Variants in TCF7L2 observed in about 807,000 individuals in gnomAD.
TCF7L2 encodes the protein transcription factor 7 like 2, also known as transcription factor 7-like 2.
A neutral mutation model predicts 77.9 loss-of-function variants in TCF7L2; 23 were observed. That is an observed-to-expected ratio of 0.30 (90% CI 0.21 to 0.42). TCF7L2 has a LOEUF of 0.42. Ranked by LOEUF, TCF7L2 falls within the 10% of genes least tolerant of loss-of-function variation. TCF7L2 has a pLI of 1.00. For missense variants in TCF7L2, 654 were observed against 793.1 expected (o/e 0.82, Z 2.11); for synonymous variants, 413 against 340.2 (o/e 1.21, Z -2.36).
In TCF7L2 at chr10:112,961,266, C is replaced by CCCT. The variant is rs2035120787; in HGVS notation, c.382-3289_382-3288insCTC. Among the ~76,000 whole-genome samples, 5 of 125,846 alleles carry CCCT rather than the reference C, an allele frequency of 4.0e-5. 1 individual carries two copies. The highest frequency in any genetic ancestry group is 1.6e-4 in the African/African-American group (5 of 32,040). 82.6% of individuals were successfully genotyped at this position (125,846 alleles called of 152,430 possible). A position where few individuals can be genotyped will look rare whatever the true frequency, so the allele number is the denominator to read the frequency against. On this transcript the variant is annotated intron_variant, in intron 3 of 13. Coordinates refer to ENST00000627217, the MANE Select transcript of TCF7L2 (RefSeq NM_001146274.2). ...CCGACCTCAGGTGACCCCCCCCCCC[C>CCCT]CAACCTCGGCCTTCCAAAGCGCTGG...
At chr10:112,986,958 T>C (rs11819613) in intron 4 of TCF7L2, among the ~76,000 whole-genome samples, 4,969 of 152,320 alleles carry the variant, frequency 0.033, 238 homozygotes, top group African/African-American at 0.11. Flanking sequence ...AAGACATGCA[T>C]TGAATTCTTT....
intron 4 of TCF7L2, among the ~76,000 whole-genome samples, chr10:112,967,516 A>G (rs572665615): frequency 1.3e-5 from 2 of 152,288 alleles, no homozygotes; most frequent in South Asian, 2.1e-4. Flanking sequence ...CTATGTTTAG[A>G]TCTTTCCTAC....
At chr10:113,097,064 G>A (rs1384900751) in intron 5 of TCF7L2, among the ~76,000 whole-genome samples, 1 of 132,726 alleles carries the variant, frequency 7.5e-6, no homozygotes, top group Non-Finnish European at 1.7e-5. Context: ...AGAGTTGGGG[G>A]AGATGACAGT....
intron 13 of TCF7L2, among the ~76,000 whole-genome samples, chr10:113,164,033 T>C (rs1010782069): frequency 2.6e-5 from 4 of 152,238 alleles, no homozygotes; most frequent in African/African-American, 9.6e-5. Context: ...GGCCAGTGCT[T>C]ACACACGTGT....
rs138872780 is a variant in TCF7L2 at position 113,162,644 on chromosome 10, G to C, written c.1391+1953G>C. Among the ~76,000 whole-genome samples the C allele has an allele frequency of 2.8e-4, 43 of 152,344 alleles. 1 individual carries two copies. The East Asian group carries it at 7.5e-3, about 27-fold the overall frequency. ...GCTGAGCCCCTGGTCCTAGGTGCCA[G>C]AGTTCCCCAGGTCCCTGTCTCCACC... On this transcript the variant is annotated intron_variant, in intron 13 of 13. Coordinates refer to ENST00000627217, the MANE Select transcript of TCF7L2 (RefSeq NM_001146274.2).
intron 5 of TCF7L2, among the ~76,000 whole-genome samples, chr10:113,043,319 C>T (rs967149971): frequency 6.6e-6 from 1 of 152,114 alleles, no homozygotes; most frequent in Non-Finnish European, 1.5e-5. Context: ...ATGTGGGTTA[C>T]CACATTAGAA....
chr10:113,043,640 C>G (rs2052872307), intron 5 of TCF7L2, among the ~76,000 whole-genome samples: 1 of 152,084 alleles, frequency 6.6e-6, no homozygotes, highest in African/African-American at 2.4e-5. Flanking sequence ...GACTTCTTAA[C>G]AACTCAGAGA....
intron 5 of TCF7L2, among the ~76,000 whole-genome samples, chr10:113,043,050 C>T (rs1220477084): frequency 1.3e-5 from 2 of 152,190 alleles, no homozygotes; most frequent in Admixed American, 1.3e-4. Flanking sequence ...AAATAATTGT[C>T]TAAGGATTGC....
intron 5 of TCF7L2, among the ~76,000 whole-genome samples, chr10:113,081,306 C>T (rs1591448457): frequency 6.6e-6 from 1 of 152,226 alleles, no homozygotes; most frequent in Admixed American, 6.5e-5. Context: ...ACAACACGCA[C>T]CAATACTACT....
intron 5 of TCF7L2, among the ~76,000 whole-genome samples, chr10:113,066,662 T>C (rs752457765): frequency 5.9e-5 from 9 of 152,256 alleles, no homozygotes; most frequent in African/African-American, 9.6e-5. Flanking sequence ...TCAGCTGTGC[T>C]GAAAGAGTAA....
At chr10:113,089,875 C>T (rs1289586740) in intron 5 of TCF7L2, among the ~76,000 whole-genome samples, 1 of 152,156 alleles carries the variant, frequency 6.6e-6, no homozygotes, top group Non-Finnish European at 1.5e-5. Context: ...AACTTGGCCC[C>T]AGGAAGTGTC....
At chr10:113,107,218 T>C (rs896263351) in intron 5 of TCF7L2, among the ~76,000 whole-genome samples, 1 of 152,216 alleles carries the variant, frequency 6.6e-6, no homozygotes, top group African/African-American at 2.4e-5. Context: ...GGGAATGGAC[T>C]ATGTTTAGTA....
intron 5 of TCF7L2, among the ~76,000 whole-genome samples, chr10:113,098,114 TA>T (rs1312443880): frequency 6.8e-6 from 1 of 146,934 alleles, no homozygotes; most frequent in Non-Finnish European, 1.5e-5. Context: ...GAAGGGAAGG[TA>T]GGTCCTTTCC....
At chr10:113,158,878 G>T (rs2072520127) in intron 12 of TCF7L2, among the ~76,000 whole-genome samples, 161 bp downstream of exon 13, 4 of 143,836 alleles carry the variant, frequency 2.8e-5, no homozygotes, top group South Asian at 2.2e-4. Flanking sequence ...TTTTTTTTCA[G>T]TTGCTTCTGT....
rs2137155854 is a variant in TCF7L2, at chr10:113,151,888, G to A, written c.1161+4G>A. ...CAACCAGATCCTTGGGCGGAGGGTA[G>A]GTGACGCCCTTCTCAGGGAGAAGCG... On this transcript the variant is annotated splice_donor_region_variant and intron_variant, in intron 10 of 13. Transcript: ENST00000627217. The surrounding 1 kb of genome is among the most constrained non-coding windows in gnomAD (Gnocchi z 5.2). The A allele has an allele frequency of 6.3e-7, 1 of 1,594,132 alleles. No homozygotes were observed. The highest frequency in any genetic ancestry group is 1.1e-5 in the South Asian group (1 of 86,984).
At chr10:113,041,995 G>A (rs2052533414) in intron 5 of TCF7L2, among the ~76,000 whole-genome samples, 2 of 152,218 alleles carry the variant, frequency 1.3e-5, no homozygotes, top group African/African-American at 4.8e-5. Flanking sequence ...CAGCCCCTGT[G>A]TTTGTGGCAT....
chr10:113,094,795 A>G (rs2060769085), intron 5 of TCF7L2, among the ~76,000 whole-genome samples: 1 of 152,168 alleles, frequency 6.6e-6, no homozygotes, highest in Non-Finnish European at 1.5e-5. Context: ...ATGCTTAGCT[A>G]TTGCCCCAAT....
At chr10:113,064,968 T>C (rs1399569440) in intron 5 of TCF7L2, among the ~76,000 whole-genome samples, 1 of 152,222 alleles carries the variant, frequency 6.6e-6, no homozygotes, top group Non-Finnish European at 1.5e-5. Flanking sequence ...TAAATAATGC[T>C]CAGCCTTCAT....
intron 12 of TCF7L2, 82 bp downstream of exon 12, chr10:113,158,151 C>A (rs2137371406): frequency 6.8e-7 from 1 of 1,467,516 alleles, no homozygotes; most frequent in Non-Finnish European, 9.3e-7. Flanking sequence ...CTGGGGGAGG[C>A]AGGAGAAATT....
Sources: allele counts gnomAD v4.1 joint callset (sites outside exome capture counted in the v4.1 genomes callset), GRCh38; gene constraint gnomAD v4.1.1; non-coding constraint Gnocchi (gnomAD v3.1); transcripts MANE v1.5; gene names NCBI Gene and HGNC (gene_info 2026-07-23, HGNC 2026-07-21).